Variants in ANKRD6 observed in about 807,000 individuals in gnomAD.
ANKRD6 encodes the protein ankyrin repeat domain 6, also known as ankyrin repeat domain-containing protein 6.
Under a neutral mutation model 82.3 loss-of-function variants are expected in ANKRD6, and 56 were observed. The observed-to-expected ratio is 0.68, with a 90% CI of 0.55 to 0.85. ANKRD6 has a LOEUF of 0.85. Among genes scored for constraint, ANKRD6 ranks in the 40% least tolerant of loss-of-function variants. ANKRD6 has a pLI of 0.00. For synonymous variants in ANKRD6, 347 were observed against 352.1 expected, an observed-to-expected ratio of 0.99 and a Z score of 0.16; for missense variants, 852 against 907.6, an observed-to-expected ratio of 0.94 and a Z score of 0.79.
chr6:89,629,723 A>G (rs1394585401), intron 15 of ANKRD6, among the ~76,000 whole-genome samples: 1 of 152,196 alleles, frequency 6.6e-6, no homozygotes, highest in East Asian at 1.9e-4. Flanking sequence ...CAAGCAAACC[A>G]TCTTTACATT....
chr6:89,507,316 T>C (rs1269019443), intron 1 of ANKRD6, among the ~76,000 whole-genome samples: 1 of 152,226 alleles, frequency 6.6e-6, no homozygotes, highest in Non-Finnish European at 1.5e-5. Context: ...ACAGCAATTT[T>C]AGCATACTCT....
chr6:89,457,678 A>G (rs1257987663), intron 1 of ANKRD6, among the ~76,000 whole-genome samples: 2 of 152,188 alleles, frequency 1.3e-5, no homozygotes, highest in African/African-American at 2.4e-5. Flanking sequence ...AAAATATGGC[A>G]GTAGATTTTG....
intron 2 of ANKRD6, among the ~76,000 whole-genome samples, chr6:89,589,614 C>G (rs1389148376): frequency 6.6e-6 from 1 of 152,178 alleles, no homozygotes; most frequent in African/African-American, 2.4e-5. Context: ...GAGTGAATAG[C>G]AGAGACTGTT....
chr6:89,586,428 C>T (rs1303870961), intron 2 of ANKRD6, among the ~76,000 whole-genome samples: 1 of 152,184 alleles, frequency 6.6e-6, no homozygotes, highest in Non-Finnish European at 1.5e-5. Context: ...GTGGCTCACA[C>T]CTGTAATCCC....
intron 1 of ANKRD6, among the ~76,000 whole-genome samples, chr6:89,555,974 C>A (rs989130838): frequency 6.6e-6 from 1 of 152,100 alleles, no homozygotes; most frequent in African/African-American, 2.4e-5. Context: ...CATGCAAATT[C>A]AGCCCATAAT....
chr6:89,614,850 AAC>A (rs1491095880), intron 7 of ANKRD6, among the ~76,000 whole-genome samples: 1 of 143,168 alleles, frequency 7.0e-6, no homozygotes, highest in Admixed American at 6.9e-5. Context: ...AAAAAAAAAA[AAC>A]AAAAAAAAAA....
chr6:89,546,958 C>T (rs866174789), intron 1 of ANKRD6, among the ~76,000 whole-genome samples: 5 of 151,910 alleles, frequency 3.3e-5, no homozygotes, highest in African/African-American at 1.2e-4. Context: ...TAAGAAACCT[C>T]ATTTTTTATT....
intron 5 of ANKRD6, among the ~76,000 whole-genome samples, chr6:89,606,380 T>G (rs1428750034): frequency 6.6e-6 from 1 of 152,152 alleles, no homozygotes; most frequent in Non-Finnish European, 1.5e-5. Flanking sequence ...TACTGTCCCA[T>G]AGTTTTTTTG....
At chr6:89,488,003 A>G (rs141957933) in intron 1 of ANKRD6, among the ~76,000 whole-genome samples, 1 of 152,338 alleles carries the variant, frequency 6.6e-6, no homozygotes, top group East Asian at 1.9e-4. Flanking sequence ...GTACAGAGGT[A>G]AGATCCACAG....
intron 1 of ANKRD6, among the ~76,000 whole-genome samples, chr6:89,466,432 C>A (rs897773813): frequency 6.6e-6 from 1 of 152,148 alleles, no homozygotes; most frequent in African/African-American, 2.4e-5. Flanking sequence ...ATTTTGCCAG[C>A]AATACATGAG....
chr6:89,599,599 G>A (rs749312074), intron 3 of ANKRD6, among the ~76,000 whole-genome samples: 1 of 152,218 alleles, frequency 6.6e-6, no homozygotes, highest in Non-Finnish European at 1.5e-5. Flanking sequence ...TAGGAGGAAA[G>A]AGTCCATTTG....
intron 1 of ANKRD6, among the ~76,000 whole-genome samples, chr6:89,541,296 A>C (rs1784419730): frequency 6.8e-6 from 1 of 148,068 alleles, no homozygotes. Context: ...GTCCTCTTCA[A>C]TTTCTTTTAT....
chr6:89,623,611 G>C, intron 11 of ANKRD6, 67 bp downstream of exon 11: 2 of 1,530,074 alleles, frequency 1.3e-6, no homozygotes, highest in Non-Finnish European at 1.8e-6. Flanking sequence ...TCCTGGCAGA[G>C]CGTCATGCCC....
At chr6:89,603,153 T>C (rs1330996884) in intron 4 of ANKRD6, 26 bp downstream of exon 4, 6 of 1,573,850 alleles carry the variant, frequency 3.8e-6, no homozygotes, top group Non-Finnish European at 5.2e-6. Flanking sequence ...GCTTCCTTAC[T>C]CCCCAAGGCA....
rs775022730 is a variant in ANKRD6 at position 89,605,991 on chromosome 6, T to C, written c.319-16T>C. The C allele has an allele frequency of 1.2e-4, 191 of 1,553,412 alleles. No individual in the cohort carries two copies. The highest frequency in any genetic ancestry group is 4.4e-4 in the Admixed American group (24 of 55,102). On this transcript the variant is annotated splice_polypyrimidine_tract_variant and intron_variant, in intron 4 of 15. Transcript: ENST00000339746. ...TCTTGGGTAATGTGCCTTTCCCACC[T>C]GTGTGTCTTCCTTAGGATGGGAATA...
chr6:89,508,330 C>G (rs1424705934), intron 1 of ANKRD6, among the ~76,000 whole-genome samples: 1 of 152,088 alleles, frequency 6.6e-6, no homozygotes, highest in East Asian at 1.9e-4. Context: ...TGGCTGTTGG[C>G]TTGAACCTTA....
chr6:89,516,685 C>T (rs1562696645), intron 1 of ANKRD6, among the ~76,000 whole-genome samples: 1 of 152,164 alleles, frequency 6.6e-6, no homozygotes, highest in African/African-American at 2.4e-5. Context: ...CCGTGTTGGC[C>T]AGGCTGGTCT....
At chr6:89,441,722 T>C (rs959095550) in intron 1 of ANKRD6, among the ~76,000 whole-genome samples, 6 of 133,588 alleles carry the variant, frequency 4.5e-5, no homozygotes, top group African/African-American at 1.7e-4. Context: ...AACCTCCGCC[T>C]CCTGGGTTTT....
intron 1 of ANKRD6, among the ~76,000 whole-genome samples, chr6:89,439,716 C>T (rs1771121379): frequency 1.3e-5 from 2 of 151,656 alleles, no homozygotes; most frequent in East Asian, 1.9e-4. Context: ...TTTCTTTTTC[C>T]GAGACAGGGT....
Sources: allele counts gnomAD v4.1 joint callset (sites outside exome capture counted in the v4.1 genomes callset), GRCh38; gene constraint gnomAD v4.1.1; transcripts MANE v1.5; gene names NCBI Gene and HGNC (gene_info 2026-07-23, HGNC 2026-07-21).